PDZD2: variants seen among roughly 807,000 people sequenced by gnomAD.
PDZD2 encodes PDZ domain-containing protein 2.
In PDZD2, 90 loss-of-function variants were observed where a neutral mutation model predicts 220.7. That is an observed-to-expected ratio of 0.41 (90% CI 0.34 to 0.49). The LOEUF (loss-of-function observed/expected upper bound fraction) is 0.49, where lower values mean the gene tolerates loss of function less well. PDZD2 is among the 20% of genes least tolerant of loss of function. The pLI, the probability that PDZD2 is intolerant of heterozygous loss-of-function variation, is 0.28. For missense variants in PDZD2, 3,174 were observed against 3,608.5 expected, an observed-to-expected ratio of 0.88 and a Z score of 3.08; for synonymous variants, 1,375 against 1,450.5, an observed-to-expected ratio of 0.95 and a Z score of 1.18.
chr5:31,662,916 C>T (rs372915499), intron 1 of PDZD2, among the ~76,000 whole-genome samples: 10 of 152,210 alleles, frequency 6.6e-5, no homozygotes, highest in East Asian at 1.9e-4. Context: ...AGGTGTGAGC[C>T]ACCTCACCTG....
intron 3 of PDZD2, among the ~76,000 whole-genome samples, chr5:31,986,598 T>C (rs1481310731): frequency 1.6e-5 from 2 of 122,648 alleles, no homozygotes; most frequent in Non-Finnish European, 3.1e-5. Context: ...AAGGTCTTGC[T>C]AAAATGGAAT....
chr5:31,718,365 G>T (rs183583944), intron 1 of PDZD2, among the ~76,000 whole-genome samples: 160 of 152,332 alleles, frequency 1.1e-3, no homozygotes, highest in African/African-American at 3.5e-3. Flanking sequence ...CAGGTTGCAT[G>T]GTCTGAGTCT....
chr5:31,970,132 T>C (rs1321725213), intron 2 of PDZD2, among the ~76,000 whole-genome samples: 1 of 152,038 alleles, frequency 6.6e-6, no homozygotes, highest in Admixed American at 6.6e-5. Context: ...TGACCTCAGG[T>C]GATCCGCCCA....
At chr5:31,845,559 CT>C (rs928480492) in intron 2 of PDZD2, among the ~76,000 whole-genome samples, 20 of 152,278 alleles carry the variant, frequency 1.3e-4, no homozygotes, top group African/African-American at 4.3e-4. Context: ...TTAGAATGTT[CT>C]TTGCATATTT....
intron 2 of PDZD2, among the ~76,000 whole-genome samples, chr5:31,890,974 G>A (rs12519928): frequency 0.35 from 53,675 of 151,926 alleles, 10,333 homozygotes; most frequent in Admixed American, 0.44. Flanking sequence ...CTGTCAGTGC[G>A]TCTGGCAACC....
At chr5:31,883,651 C>G (rs1224828966) in intron 2 of PDZD2, among the ~76,000 whole-genome samples, 1 of 148,414 alleles carries the variant, frequency 6.7e-6, no homozygotes, top group Non-Finnish European at 1.5e-5. Context: ...CAGATTCTCA[C>G]TCTGTCACCC....
intron 21 of PDZD2, among the ~76,000 whole-genome samples, chr5:32,097,047 G>C (rs565576229): frequency 6.6e-6 from 1 of 151,648 alleles, no homozygotes; most frequent in Non-Finnish European, 1.5e-5. Flanking sequence ...GGCTGGACTC[G>C]AACTCTTGGG....
At chr5:32,002,635 C>A (rs1364512474) in intron 5 of PDZD2, among the ~76,000 whole-genome samples, 594 of 55,352 alleles carry the variant, frequency 0.011, 11 homozygotes, top group African/African-American at 0.036. Context: ...CAACACACCA[C>A]CAACACACAC....
chr5:31,940,329 A>T (rs1505019), intron 2 of PDZD2, among the ~76,000 whole-genome samples: 2 of 152,002 alleles, frequency 1.3e-5, no homozygotes, highest in Non-Finnish European at 2.9e-5. Flanking sequence ...TTCGTTAAGC[A>T]CATGGGTGCC....
intron 1 of PDZD2, among the ~76,000 whole-genome samples, chr5:31,745,669 C>G (rs1472861838): frequency 6.6e-6 from 1 of 152,164 alleles, no homozygotes; most frequent in Non-Finnish European, 1.5e-5. Flanking sequence ...GCATCTTCCC[C>G]TCTTTGGAGG....
chr5:31,678,416 T>G (rs1481050887), intron 1 of PDZD2, among the ~76,000 whole-genome samples: 1 of 152,004 alleles, frequency 6.6e-6, no homozygotes, highest in Non-Finnish European at 1.5e-5. Flanking sequence ...GAGAGCCTTG[T>G]GGTGCTACTT....
rs550648426 is a variant in PDZD2 at position 31,947,819 on chromosome 5, C to T, written c.477-35336C>T. Among the ~76,000 whole-genome samples, 71 of 150,188 alleles carry T rather than the reference C, an allele frequency of 4.7e-4. 1 individual carries two copies. Among genetic ancestry groups the T allele is most frequent in the Admixed American group, 7.3e-4 (11 of 15,032 alleles). On this transcript the variant is annotated intron_variant, in intron 2 of 24. Coordinates refer to ENST00000438447, the MANE Select transcript of PDZD2 (RefSeq NM_178140.4). Reference sequence around the variant, plus strand: ...AGGATAGAGTGTGACCTGGTCTATGCGTCTGTTGGTGGGGGGTGGTGGATG... The same window carrying T: ...AGGATAGAGTGTGACCTGGTCTATGTGTCTGTTGGTGGGGGGTGGTGGATG...
At position 32,106,177 on chromosome 5, in the gene PDZD2, C is replaced by T. The variant is rs10058556; in HGVS notation, c.8354-1792C>T. 1,269 of 154,022 alleles carry T rather than the reference C, an allele frequency of 8.2e-3. 30 individuals carry two copies. The highest frequency in any genetic ancestry group is 0.029 in the African/African-American group (1,221 of 41,598). 9.5% of individuals were successfully genotyped at this position (154,022 alleles called of 1,614,324 possible). ...GCTTGTTTTCTTGCAACCAGGCATCCCATCTGGGGGTGATGGGAGACAATG... is the reference window on the plus strand; with the variant it reads ...GCTTGTTTTCTTGCAACCAGGCATCTCATCTGGGGGTGATGGGAGACAATG... On this transcript the variant is annotated intron_variant, in intron 24 of 24. Transcript: ENST00000438447.
Position 32,052,616 on chromosome 5 carries a change from C to A in PDZD2, c.1671C>A (p.Tyr557Ter). The change falls in exon 9 of 25, where the codon TAC (tyrosine) becomes TAA (stop). Residue 557 changes from tyrosine to a stop codon, truncating the protein, a stop_gained. Transcript: ENST00000438447. LOFTEE classifies it high-confidence loss of function. The stretch of plus-strand genomic sequence containing the variant: ...TGCCGTGTGCTGACTTTTAGGAATA[C>A]CACATTGTGAAGAAGTCTACCCGCT... ...LLDSSSASQE[Y>*]HIVKKSTRSL... 1 of 1,613,574 alleles carries A rather than the reference C, an allele frequency of 6.2e-7. No homozygotes were observed. The highest frequency in any genetic ancestry group is 8.5e-7 in the Non-Finnish European group (1 of 1,179,526).
chr5:32,030,097 C>T (rs568826049), intron 6 of PDZD2, among the ~76,000 whole-genome samples: 1 of 152,284 alleles, frequency 6.6e-6, no homozygotes, highest in Non-Finnish European at 1.5e-5. Context: ...GGCTTCATGG[C>T]GTGCTGCATT....
chr5:31,678,076 A>T (rs1746508989), intron 1 of PDZD2, among the ~76,000 whole-genome samples: 1 of 152,238 alleles, frequency 6.6e-6, no homozygotes, highest in African/African-American at 2.4e-5. Flanking sequence ...TTACATGTCA[A>T]TTATACATCA....
At chr5:32,085,794 T>C (rs934430854) in intron 19 of PDZD2, among the ~76,000 whole-genome samples, 1 of 152,208 alleles carries the variant, frequency 6.6e-6, no homozygotes, top group African/African-American at 2.4e-5. Context: ...TTGTTTTTTT[T>C]ACACTCAAAC....
In PDZD2 at chr5:31,894,577, A is replaced by G. The variant is rs561732204; in HGVS notation, c.477-88578A>G. 4.6e-5 allele frequency among the ~76,000 whole-genome samples: 7 copies of G among 152,300 alleles called. No homozygotes were observed. In the South Asian group the frequency reaches 1.2e-3, roughly 27 times the overall value. ...TCCCACCACTCAGTACATACCAAGTATATTTTGCTTTTCCAAGCGCTTCCA... is the reference window on the plus strand; with the variant it reads ...TCCCACCACTCAGTACATACCAAGTGTATTTTGCTTTTCCAAGCGCTTCCA... On this transcript the variant is annotated intron_variant, in intron 2 of 24. Transcript: ENST00000438447.
At chr5:31,937,562 G>A (rs1581120607) in intron 2 of PDZD2, among the ~76,000 whole-genome samples, 1 of 152,180 alleles carries the variant, frequency 6.6e-6, no homozygotes. Context: ...TTTTAGTCCT[G>A]GAGGGCTGGG....
Sources: allele counts gnomAD v4.1 joint callset (sites outside exome capture counted in the v4.1 genomes callset), GRCh38; gene constraint gnomAD v4.1.1; transcripts MANE v1.5; gene names NCBI Gene and HGNC (gene_info 2026-07-23, HGNC 2026-07-21).